Variants in GMDS observed in about 807,000 individuals in gnomAD.
The protein encoded by GMDS is GDP-mannose 4,6-dehydratase, also known as GDP-mannose 4,6 dehydratase.
GMDS carries 20 observed loss-of-function variants against 49.9 expected under a neutral mutation model. The ratio of observed to expected loss-of-function variants is 0.40; its 90% confidence interval spans 0.28 to 0.58. The LOEUF is 0.58. Among genes scored for constraint, GMDS ranks in the 20% least tolerant of loss-of-function variants. The probability of loss-of-function intolerance (pLI) is 0.42; values close to 1 mark genes in which losing one functional copy is unlikely to be tolerated. For synonymous variants in GMDS, 177 were observed against 178.6 expected, an observed-to-expected ratio of 0.99 and a Z score of 0.07; for missense variants, 362 against 481.4, an observed-to-expected ratio of 0.75 and a Z score of 2.32.
At chr6:1,922,536 T>C (rs948478067) in intron 7 of GMDS, among the ~76,000 whole-genome samples, 2 of 152,164 alleles carry the variant, frequency 1.3e-5, no homozygotes, top group Non-Finnish European at 2.9e-5. Flanking sequence ...GTTTGCCCAC[T>C]CTCTCCTGAA....
At chr6:1,968,156 C>T (rs1176069957) in intron 4 of GMDS, among the ~76,000 whole-genome samples, 1 of 152,144 alleles carries the variant, frequency 6.6e-6, no homozygotes, top group Non-Finnish European at 1.5e-5. Context: ...TGAAACTGAA[C>T]AGAGATGAAA....
chr6:2,166,181 C>A (rs1416376056), intron 1 of GMDS, among the ~76,000 whole-genome samples: 1 of 152,148 alleles, frequency 6.6e-6, no homozygotes, highest in African/African-American at 2.4e-5. Flanking sequence ...GGTCCCCATG[C>A]AGAAAAAACA....
intron 7 of GMDS, among the ~76,000 whole-genome samples, chr6:1,876,567 T>C (rs913830367): frequency 1.5e-4 from 23 of 152,184 alleles, no homozygotes; most frequent in Non-Finnish European, 2.9e-4. Flanking sequence ...GCCTAGCTCT[T>C]AGACAATTCC....
intron 4 of GMDS, 151 bp from the exon 5 acceptor site, chr6:1,961,117 C>A: frequency 2.1e-6 from 1 of 486,640 alleles, no homozygotes; most frequent in Non-Finnish European, 3.7e-6. Flanking sequence ...TGGATGTCAT[C>A]TACATACAGT....
At chr6:2,119,443 T>C (rs931284770) in intron 2 of GMDS, among the ~76,000 whole-genome samples, 3 of 152,148 alleles carry the variant, frequency 2.0e-5, no homozygotes, top group African/African-American at 4.8e-5. Context: ...TTGGTATGTG[T>C]ACACAGGGAA....
chr6:1,777,905 C>T (rs1367723106), intron 7 of GMDS, among the ~76,000 whole-genome samples: 1 of 152,030 alleles, frequency 6.6e-6, no homozygotes, highest in African/African-American at 2.4e-5. Flanking sequence ...CTGAAATAAT[C>T]CAGACAGTTT....
chr6:2,225,410 T>C (rs1780771849), intron 1 of GMDS, among the ~76,000 whole-genome samples: 1 of 152,166 alleles, frequency 6.6e-6, no homozygotes, highest in African/African-American at 2.4e-5. Context: ...AACTTGCCCT[T>C]TAACTTGCAG....
chr6:2,175,381 G>A (rs1257573881), intron 1 of GMDS, among the ~76,000 whole-genome samples: 8 of 152,144 alleles, frequency 5.3e-5, no homozygotes, highest in Non-Finnish European at 1.5e-5. Context: ...AGCTCAAAGA[G>A]GAAATTCTTT....
intron 4 of GMDS, among the ~76,000 whole-genome samples, chr6:1,990,913 C>G (rs546884672): frequency 1.3e-5 from 2 of 152,062 alleles, no homozygotes; most frequent in Non-Finnish European, 2.9e-5. Context: ...TACTCTAACT[C>G]TCTGGCTGCC....
At chr6:1,871,883 C>T (rs949707531) in intron 7 of GMDS, among the ~76,000 whole-genome samples, 1 of 152,190 alleles carries the variant, frequency 6.6e-6, no homozygotes, top group Non-Finnish European at 1.5e-5. Context: ...TGAATGAGGA[C>T]GAAGATACTG....
chr6:1,644,436 C>T (rs1763428235), intron 9 of GMDS, among the ~76,000 whole-genome samples: 1 of 152,244 alleles, frequency 6.6e-6, no homozygotes, highest in Non-Finnish European at 1.5e-5. Context: ...GGCTGCACTC[C>T]CCACAGGCTC....
At chr6:1,762,893 G>A (rs1461989716) in intron 7 of GMDS, among the ~76,000 whole-genome samples, 1 of 152,144 alleles carries the variant, frequency 6.6e-6, no homozygotes, top group African/African-American at 2.4e-5. Context: ...TGATCATTTT[G>A]TTTATAAATC....
intron 9 of GMDS, among the ~76,000 whole-genome samples, chr6:1,629,426 C>T (rs1415651748): frequency 2.6e-5 from 4 of 152,066 alleles, no homozygotes; most frequent in East Asian, 1.9e-4. Context: ...GCTCAGGAAG[C>T]GGGACTCGGT....
intron 7 of GMDS, among the ~76,000 whole-genome samples, chr6:1,882,861 T>A (rs561337219): frequency 1.3e-5 from 2 of 152,342 alleles, no homozygotes; most frequent in East Asian, 3.9e-4. Context: ...TTATAACTTT[T>A]AGGCTTAGCT....
At chr6:1,962,551 T>C (rs903475808) in intron 4 of GMDS, among the ~76,000 whole-genome samples, 11 of 152,202 alleles carry the variant, frequency 7.2e-5, no homozygotes, top group African/African-American at 2.4e-4. Context: ...ACATCCTACA[T>C]AGACTTGCTG....
chr6:2,209,730 A>G (rs928180494), intron 1 of GMDS, among the ~76,000 whole-genome samples: 3 of 152,188 alleles, frequency 2.0e-5, no homozygotes, highest in Admixed American at 6.5e-5. Context: ...CTAAAAAAGG[A>G]CACGTAAGAA....
chr6:2,180,313 A>G (rs898158672), intron 1 of GMDS, among the ~76,000 whole-genome samples: 1 of 152,228 alleles, frequency 6.6e-6, no homozygotes, highest in Non-Finnish European at 1.5e-5. Context: ...TGAAAAGACT[A>G]ATGCTACAGA....
At chr6:1,825,990 T>G (rs755311334) in intron 7 of GMDS, among the ~76,000 whole-genome samples, 1 of 152,172 alleles carries the variant, frequency 6.6e-6, no homozygotes, top group Non-Finnish European at 1.5e-5. Context: ...TACTCCAGCC[T>G]GGGCGACAGA....
intron 1 of GMDS, among the ~76,000 whole-genome samples, chr6:2,177,025 G>C (rs956787238): frequency 2.0e-5 from 3 of 152,150 alleles, no homozygotes; most frequent in African/African-American, 7.2e-5. Flanking sequence ...ACAGGAAAGG[G>C]CAGGAAATAA....
Sources: gnomAD v4.1 joint callset for allele counts (sites outside exome capture counted in the v4.1 genomes callset) on GRCh38, gnomAD v4.1.1 for gene constraint, MANE v1.5 for transcripts, NCBI Gene and HGNC (gene_info 2026-07-23, HGNC 2026-07-21) for gene names.